The following ABCD3 variants were observed in gnomAD, a reference collection of about 807,000 sequenced individuals.
ABCD3 encodes the protein ATP-binding cassette sub-family D member 3.
Under a neutral mutation model 105.5 loss-of-function variants are expected in ABCD3, and 41 were observed. That is an observed-to-expected ratio of 0.39 (90% CI 0.30 to 0.50). The LOEUF (loss-of-function observed/expected upper bound fraction) is 0.50. Ranked by LOEUF, ABCD3 falls within the 20% of genes least tolerant of loss-of-function variation. ABCD3 has a pLI of 0.84. For missense variants in ABCD3, 622 were observed against 806.3 expected (o/e 0.77, Z 2.77); for synonymous variants, 258 against 269.0 (o/e 0.96, Z 0.40).
intron 1 of ABCD3, among the ~76,000 whole-genome samples, chr1:94,421,090 A>G (rs1659242881): frequency 6.6e-6 from 1 of 151,940 alleles, no homozygotes; most frequent in Non-Finnish European, 1.5e-5. Flanking sequence ...CTGACCTTTT[A>G]TTGTGGAAAA....
intron 2 of ABCD3, among the ~76,000 whole-genome samples, chr1:94,459,183 T>G (rs1483690483): frequency 6.6e-6 from 1 of 151,914 alleles, no homozygotes. Context: ...TAGCTGGGAC[T>G]GTAGATGTGA....
intron 1 of ABCD3, among the ~76,000 whole-genome samples, chr1:94,449,890 G>C (rs1660509971): frequency 6.6e-6 from 1 of 152,222 alleles, no homozygotes; most frequent in South Asian, 2.1e-4. Context: ...AACCTCAAAT[G>C]ATATGGCCCG....
intron 2 of ABCD3, among the ~76,000 whole-genome samples, chr1:94,460,513 T>C (rs1252381003): frequency 1.3e-5 from 2 of 152,204 alleles, no homozygotes; most frequent in African/African-American, 4.8e-5. Context: ...ATTAATTCAC[T>C]TAGTAAGTCA....
chr1:94,494,119 A>G (rs1350772272), intron 16 of ABCD3, among the ~76,000 whole-genome samples: 4 of 152,186 alleles, frequency 2.6e-5, no homozygotes, highest in Non-Finnish European at 5.9e-5. Flanking sequence ...AAAAAGAACA[A>G]TAACTACCCT....
chr1:94,493,929 C>T, intron 16 of ABCD3, among the ~76,000 whole-genome samples: 1 of 151,856 alleles, frequency 6.6e-6, no homozygotes, highest in South Asian at 2.1e-4. Flanking sequence ...GAACATCACA[C>T]TCTGGGGACT....
chr1:94,397,553 T>C, the ABCD3 span, among the ~76,000 whole-genome samples: 1 of 152,228 alleles, frequency 6.6e-6, no homozygotes, highest in Non-Finnish European at 1.5e-5. Context: ...GCCATGGAGA[T>C]GAAGTGCTCT....
At chr1:94,409,028 G>A in the ABCD3 span, among the ~76,000 whole-genome samples, 1 of 151,694 alleles carries the variant, frequency 6.6e-6, no homozygotes, top group Non-Finnish European at 1.5e-5. Context: ...AACTTTTAAG[G>A]CCTTTTTTCC....
intron 9 of ABCD3, chr1:94,482,226 C>T (rs1649062978): frequency 6.6e-6 from 1 of 152,120 alleles, no homozygotes; most frequent in Non-Finnish European, 1.5e-5. Flanking sequence ...ACAAATGTGT[C>T]ATATCTTATG....
At chr1:94,462,059 T>C (rs1186986993) in intron 2 of ABCD3, among the ~76,000 whole-genome samples, 1 of 152,230 alleles carries the variant, frequency 6.6e-6, no homozygotes, top group African/African-American at 2.4e-5. Context: ...CTTTGACCTT[T>C]GTTACCTTTT....
the ABCD3 span, among the ~76,000 whole-genome samples, chr1:94,408,495 G>A: frequency 1.4e-4 from 21 of 151,990 alleles, 3 homozygotes; most frequent in South Asian, 4.4e-3. Context: ...TAGAGAGGCT[G>A]AGGCAGGAGA....
intron 1 of ABCD3, among the ~76,000 whole-genome samples, chr1:94,448,703 G>T (rs1660454194): frequency 6.6e-6 from 1 of 152,196 alleles, no homozygotes; most frequent in African/African-American, 2.4e-5. Flanking sequence ...GTTTTGCGGT[G>T]ATGGGCATTC....
At chr1:94,464,922 TA>T in intron 3 of ABCD3, 49 bp downstream of exon 3, 1 of 1,422,060 alleles carries the variant, frequency 7.0e-7, no homozygotes, top group Non-Finnish European at 9.9e-7. Context: ...CGTTCTTTAA[TA>T]AAATACCTGA....
chr1:94,506,356 T>A lies in ABCD3; in HGVS notation c.1741-182T>A, dbSNP rs17111600. ...AGTACGTTTTTCCCTTTGTTCAGGA[T>A]GACAGCAAAAACAGTTATGTTTATA... is the stretch of plus-strand genomic sequence containing the variant. On this transcript the variant is annotated intron_variant, in intron 20 of 22. Transcript: ENST00000370214. 5.2e-3 allele frequency among the ~76,000 whole-genome samples: 794 copies of A among 152,308 alleles called. 8 individuals carry two copies. The highest frequency in any genetic ancestry group is 0.018 in the African/African-American group (748 of 41,574).
chr1:94,481,904 A>T (rs1649045011), intron 9 of ABCD3: 1 of 152,236 alleles, frequency 6.6e-6, no homozygotes, highest in Non-Finnish European at 1.5e-5. Flanking sequence ...TTCCTAAAGC[A>T]TTAGGGTACA....
intron 21 of ABCD3, 60 bp downstream of exon 21, chr1:94,506,702 C>G (rs964687128): frequency 8.3e-7 from 1 of 1,198,498 alleles, no homozygotes; most frequent in African/African-American, 1.5e-5. Context: ...TAAACTATGT[C>G]CAAATCTGTC....
At chr1:94,468,093 A>T (rs1160375096) in intron 4 of ABCD3, 86 bp downstream of exon 4, 2 of 970,496 alleles carry the variant, frequency 2.1e-6, no homozygotes, top group Non-Finnish European at 3.3e-6. Flanking sequence ...CAACAAATAG[A>T]TTCTAAGTTA....
intron 1 of ABCD3, among the ~76,000 whole-genome samples, chr1:94,454,270 A>G (rs371034178): frequency 2.4e-4 from 36 of 152,318 alleles, no homozygotes; most frequent in African/African-American, 8.7e-4. Context: ...TTGGAAATGA[A>G]GTGTATGAGA....
At chr1:94,447,640 T>TATATATATAATGGCA (rs1191548241) in intron 1 of ABCD3, among the ~76,000 whole-genome samples, 1 of 152,228 alleles carries the variant, frequency 6.6e-6, no homozygotes, top group African/African-American at 2.4e-5. Flanking sequence ...ATTCATTATA[T>TATATATATAATGGCA]GGACAATATA....
the ABCD3 span, among the ~76,000 whole-genome samples, chr1:94,410,978 A>G: frequency 6.6e-6 from 1 of 152,224 alleles, no homozygotes; most frequent in Non-Finnish European, 1.5e-5. Flanking sequence ...GCAAAAATTG[A>G]TACAAAAGGG....
Sources: gnomAD v4.1 joint callset for allele counts (sites outside exome capture counted in the v4.1 genomes callset) on GRCh38, gnomAD v4.1.1 for gene constraint, MANE v1.5 for transcripts, NCBI Gene and HGNC (gene_info 2026-07-23, HGNC 2026-07-21) for gene names.